WDR7: variants seen among roughly 807,000 people sequenced by gnomAD.
WDR7 encodes WD repeat-containing protein 7.
In WDR7, 46 loss-of-function variants were observed where a neutral mutation model predicts 169.4. The ratio of observed to expected loss-of-function variants is 0.27; its 90% confidence interval spans 0.21 to 0.35. The LOEUF (loss-of-function observed/expected upper bound fraction) is 0.35. WDR7 is among the 10% of genes least tolerant of loss of function. The pLI, the probability that WDR7 is intolerant of heterozygous loss-of-function variation, is 1.00. For synonymous variants in WDR7, 612 were observed against 666.8 expected (o/e 0.92, Z 1.27); for missense variants, 1,534 against 1,859.3 (o/e 0.83, Z 3.22).
In WDR7 at chr18:57,027,134, G is replaced by A. The variant is rs771657468; in HGVS notation, c.4400G>A (p.Arg1467Gln). 39 of 1,614,048 alleles carry A rather than the reference G, an allele frequency of 2.4e-5. No homozygotes were observed. The highest frequency in any genetic ancestry group is 4.0e-5 in the African/African-American group (3 of 74,928). Reference protein sequence around the residue: ...PGSHNALKLARLIWTSNRNVI... With the variant: ...PGSHNALKLAQLIWTSNRNVI... ...TCCCACAATGCCCTCAAGCTGGCCCGGCTCATCTGGACTTCCAACCGCAAC... is the reference window on the plus strand; with the variant it reads ...TCCCACAATGCCCTCAAGCTGGCCCAGCTCATCTGGACTTCCAACCGCAAC... The change falls in exon 28 of 28, where the codon CGG (arginine) becomes CAG (glutamine). Residue 1467 changes from arginine (R) to glutamine (Q), a missense_variant. Arg to Gln is a conservative substitution (Grantham distance 43). Transcript: ENST00000254442.
intron 22 of WDR7, among the ~76,000 whole-genome samples, chr18:56,930,694 G>A (rs1277936806): frequency 2.0e-5 from 3 of 152,182 alleles, no homozygotes; most frequent in Non-Finnish European, 4.4e-5. Context: ...GGGAATACCA[G>A]GGGCTATACA....
intron 21 of WDR7, among the ~76,000 whole-genome samples, chr18:56,895,254 A>G (rs944623532): frequency 3.9e-5 from 6 of 152,002 alleles, no homozygotes; most frequent in African/African-American, 7.2e-5. Flanking sequence ...ACTTCTGTCT[A>G]CTAGTGAACA....
At chr18:56,657,875 T>G (rs1201828229) in intron 1 of WDR7, among the ~76,000 whole-genome samples, 1 of 152,178 alleles carries the variant, frequency 6.6e-6, no homozygotes, top group Non-Finnish European at 1.5e-5. Flanking sequence ...TTTACTATTT[T>G]AAATAAAATT....
At chr18:56,832,032 G>C (rs904477792) in intron 20 of WDR7, among the ~76,000 whole-genome samples, 1 of 152,110 alleles carries the variant, frequency 6.6e-6, no homozygotes, top group Non-Finnish European at 1.5e-5. Context: ...CCAGGGAGCC[G>C]AGTGATCTTG....
At chr18:56,850,801 T>A (rs2045628973) in intron 20 of WDR7, among the ~76,000 whole-genome samples, 1 of 152,136 alleles carries the variant, frequency 6.6e-6, no homozygotes, top group Admixed American at 6.6e-5. Flanking sequence ...GTGTGAGCCA[T>A]TGTGCCTAGC....
chr18:56,894,986 CTT>C lies in WDR7; in HGVS notation c.3526+14822_3526+14823del, dbSNP rs541125580. On this transcript the variant is annotated intron_variant, in intron 21 of 27. Transcript: ENST00000254442. ...TCAGTATCTTTTCCACATAAGGACT[CTT>C]AATAAACAATGAGTAGAATAACTTT... 5.7e-3 allele frequency among the ~76,000 whole-genome samples: 873 copies of C among 152,090 alleles called. 7 individuals carry two copies. Among genetic ancestry groups the C allele is most frequent in the African/African-American group, 0.02 (831 of 41,512 alleles).
intron 25 of WDR7, among the ~76,000 whole-genome samples, chr18:56,946,461 G>GTGTT (rs370163575): frequency 6.6e-6 from 1 of 152,286 alleles, no homozygotes; most frequent in South Asian, 2.1e-4. Context: ...TTGTTTGTTT[G>GTGTT]TGTTTGTTTG....
At chr18:56,837,073 ATGCAATT>A (rs1261588958) in intron 20 of WDR7, among the ~76,000 whole-genome samples, 2 of 152,210 alleles carry the variant, frequency 1.3e-5, no homozygotes, top group Non-Finnish European at 1.5e-5. Flanking sequence ...TGCAGTTAAG[ATGCAATT>A]TAATTTGGGA....
chr18:56,765,731 G>C (rs1292343116), intron 16 of WDR7, among the ~76,000 whole-genome samples: 1 of 125,862 alleles, frequency 7.9e-6, no homozygotes, highest in Admixed American at 7.7e-5. Context: ...ACTTCTATCT[G>C]GTAAAATTCT....
intron 22 of WDR7, among the ~76,000 whole-genome samples, chr18:56,934,287 T>C (rs1599170602): frequency 6.6e-6 from 1 of 152,306 alleles, no homozygotes; most frequent in East Asian, 1.9e-4. Flanking sequence ...TTCACTGAAT[T>C]TGCAGTTAGC....
In WDR7 at chr18:56,691,811, T is replaced by C. The variant is rs1367721142; in HGVS notation, c.960T>C (p.Asp320=). 1 of 1,604,840 alleles carries C rather than the reference T, an allele frequency of 6.2e-7. No homozygotes were observed. Among genetic ancestry groups the C allele is most frequent in the Non-Finnish European group, 8.5e-7 (1 of 1,176,296 alleles). Residue 320 remains aspartate, a synonymous_variant, in exon 9 of 28, where the codon GAT becomes GAC. Coordinates refer to ENST00000254442, the MANE Select transcript of WDR7 (RefSeq NM_015285.3). Reference sequence around the variant, plus strand: ...AACATATCCTCTTGGATCGAAAAGATAAAGAGGTAAAATTCTTGAGGTGTC... The same window carrying C: ...AACATATCCTCTTGGATCGAAAAGACAAAGAGGTAAAATTCTTGAGGTGTC... The part of the protein sequence containing the change: ...PVQHILLDRK[D]KELLICPPVT...
intron 26 of WDR7, among the ~76,000 whole-genome samples, chr18:56,996,576 C>T (rs1186395151): frequency 1.3e-5 from 2 of 152,178 alleles, no homozygotes; most frequent in African/African-American, 4.8e-5. Context: ...TAAAATTAGG[C>T]TGCTGGTAGA....
chr18:56,869,024 A>C (rs1167783643), intron 20 of WDR7, among the ~76,000 whole-genome samples: 1 of 152,184 alleles, frequency 6.6e-6, no homozygotes, highest in East Asian at 1.9e-4. Flanking sequence ...GATGATGCAG[A>C]TGGTAGGAAA....
intron 27 of WDR7, among the ~76,000 whole-genome samples, chr18:57,021,739 T>C (rs949432164): frequency 6.6e-6 from 1 of 152,236 alleles, no homozygotes; most frequent in Non-Finnish European, 1.5e-5. Context: ...CCAAAAAAGT[T>C]AATTTAAAAT....
chr18:56,830,740 T>C (rs2045294300), intron 20 of WDR7, among the ~76,000 whole-genome samples: 1 of 152,228 alleles, frequency 6.6e-6, no homozygotes, highest in South Asian at 2.1e-4. Context: ...GGAGTCTCGC[T>C]CTGTCGCCCA....
intron 20 of WDR7, among the ~76,000 whole-genome samples, chr18:56,817,313 C>T (rs1343138209): frequency 1.4e-5 from 2 of 146,364 alleles, no homozygotes; most frequent in African/African-American, 5.1e-5. Flanking sequence ...CTCTGCGCTC[C>T]AGCCTAGGCA....
chr18:57,017,075 T>G (rs985409496), intron 26 of WDR7, among the ~76,000 whole-genome samples: 7 of 152,256 alleles, frequency 4.6e-5, no homozygotes, highest in South Asian at 2.1e-4. Flanking sequence ...ACTTACAAGT[T>G]CTGTGCGATC....
downstream of WDR7, chr18:57,033,648 T>A (rs1228933292): frequency 5.3e-5 from 8 of 152,204 alleles, no homozygotes; most frequent in Admixed American, 5.2e-4. Context: ...ACTGGCACAG[T>A]GAGTTGAATG....
chr18:56,660,656 G>A (rs2024884905), intron 1 of WDR7, among the ~76,000 whole-genome samples: 2 of 16,686 alleles, frequency 1.2e-4, no homozygotes, highest in African/African-American at 1.7e-4. Flanking sequence ...ATATTTAAAG[G>A]TTAAAAAAAA....
Sources: allele counts gnomAD v4.1 joint callset (sites outside exome capture counted in the v4.1 genomes callset), GRCh38; gene constraint gnomAD v4.1.1; transcripts MANE v1.5; gene names NCBI Gene and HGNC (gene_info 2026-07-23, HGNC 2026-07-21).